GRID2: variants seen among roughly 807,000 people sequenced by gnomAD.
GRID2 encodes glutamate receptor ionotropic, delta-2.
Under a neutral mutation model 114.8 loss-of-function variants are expected in GRID2, and 33 were observed. The ratio of observed to expected loss-of-function variants is 0.29; its 90% CI spans 0.22 to 0.38. GRID2 has a LOEUF of 0.38. Among genes scored for constraint, GRID2 ranks in the 10% least tolerant of loss-of-function variants. GRID2 has a pLI of 1.00. For missense variants in GRID2, 1,184 were observed against 1,257.7 expected (o/e 0.94, Z 0.89); for synonymous variants, 505 against 449.9 (o/e 1.12, Z -1.55).
chr4:92,521,246 A>T (rs185875956), intron 1 of GRID2, among the ~76,000 whole-genome samples: 1 of 152,096 alleles, frequency 6.6e-6, no homozygotes. Flanking sequence ...ACTTCTTATT[A>T]CTATTGAAAT....
At chr4:93,050,051 ATT>A (rs974932441) in intron 2 of GRID2, among the ~76,000 whole-genome samples, 1 of 152,078 alleles carries the variant, frequency 6.6e-6, no homozygotes, top group African/African-American at 2.4e-5. Context: ...TGTAGTAAAT[ATT>A]TTTAAGTTGT....
intron 2 of GRID2, among the ~76,000 whole-genome samples, chr4:92,669,271 A>G (rs1273624767): frequency 1.3e-5 from 2 of 151,852 alleles, no homozygotes; most frequent in South Asian, 2.1e-4. Context: ...CTCTGTTGCT[A>G]CTCTATGCCT....
downstream of GRID2, among the ~76,000 whole-genome samples, chr4:93,777,225 A>G (rs1357460243): frequency 6.6e-6 from 1 of 152,226 alleles, no homozygotes; most frequent in East Asian, 1.9e-4. Flanking sequence ...ATAATGATTC[A>G]GCCTACCACT....
chr4:92,954,001 A>G (rs1030680711), intron 2 of GRID2, among the ~76,000 whole-genome samples: 1 of 152,154 alleles, frequency 6.6e-6, no homozygotes, highest in Non-Finnish European at 1.5e-5. Flanking sequence ...TCACTAGAAG[A>G]TTACATTCCA....
chr4:92,435,379 T>TG (rs1732687538), intron 1 of GRID2, among the ~76,000 whole-genome samples: 1 of 152,092 alleles, frequency 6.6e-6, no homozygotes. Context: ...ATGGAGATGA[T>TG]GGGGGAGATG....
intron 2 of GRID2, among the ~76,000 whole-genome samples, chr4:92,919,229 G>C (rs1749090504): frequency 6.6e-6 from 1 of 151,852 alleles, no homozygotes; most frequent in Non-Finnish European, 1.5e-5. Context: ...GCATCTATTT[G>C]ATTCTTCTCT....
At chr4:93,325,400 G>A (rs113664232) in intron 8 of GRID2, among the ~76,000 whole-genome samples, 66 of 152,032 alleles carry the variant, frequency 4.3e-4, no homozygotes, top group African/African-American at 1.6e-3. Context: ...CATTCACTCT[G>A]CTCTAATTCT....
chr4:93,692,509 G>T (rs1726658820), intron 14 of GRID2, among the ~76,000 whole-genome samples: 7 of 152,034 alleles, frequency 4.6e-5, no homozygotes, highest in Admixed American at 3.9e-4. Flanking sequence ...CTTAGCATTA[G>T]TCATTTTATT....
chr4:92,792,103 G>A (rs946341307), intron 2 of GRID2, among the ~76,000 whole-genome samples: 3 of 151,808 alleles, frequency 2.0e-5, no homozygotes, highest in African/African-American at 7.2e-5. Flanking sequence ...CCTCTTTCTA[G>A]TAGGAGTCTG....
intron 8 of GRID2, among the ~76,000 whole-genome samples, chr4:93,240,764 T>TG (rs1747413027): frequency 6.6e-6 from 1 of 151,138 alleles, no homozygotes; most frequent in African/African-American, 2.4e-5. Flanking sequence ...AGAAGTTTTT[T>TG]TTTTATATAT....
intron 1 of GRID2, among the ~76,000 whole-genome samples, chr4:92,427,139 C>G (rs77194983): frequency 8.6e-5 from 13 of 152,032 alleles, no homozygotes; most frequent in Non-Finnish European, 1.8e-4. Flanking sequence ...TACTCTGATC[C>G]GGCTCAAAAT....
intron 2 of GRID2, among the ~76,000 whole-genome samples, chr4:92,957,963 C>T (rs756240346): frequency 6.6e-5 from 10 of 151,958 alleles, no homozygotes; most frequent in Non-Finnish European, 1.3e-4. Context: ...TCATTCATGG[C>T]ATATAGGAAA....
intron 8 of GRID2, among the ~76,000 whole-genome samples, chr4:93,322,854 G>A (rs941330565): frequency 3.9e-5 from 6 of 152,256 alleles, no homozygotes; most frequent in Admixed American, 1.3e-4. Context: ...CTTTTGAGAA[G>A]TGTCTGTTCA....
chr4:93,159,018 T>A (rs940924611), intron 4 of GRID2, among the ~76,000 whole-genome samples: 1 of 151,772 alleles, frequency 6.6e-6, no homozygotes, highest in African/African-American at 2.4e-5. Flanking sequence ...TTGTACTATA[T>A]AATTACTTGG....
chr4:92,572,177 G>A (rs897242187), intron 1 of GRID2, among the ~76,000 whole-genome samples: 3 of 152,062 alleles, frequency 2.0e-5, no homozygotes, highest in East Asian at 1.9e-4. Context: ...TCAAATAGAT[G>A]CAATAAAAAA....
intron 2 of GRID2, among the ~76,000 whole-genome samples, chr4:92,993,251 A>G (rs1277193409): frequency 6.6e-6 from 1 of 151,674 alleles, no homozygotes; most frequent in African/African-American, 2.4e-5. Context: ...GCTATTCTTG[A>G]AAAACAAAGC....
chr4:93,621,235 TATCTC>T (rs1235256492), intron 13 of GRID2, among the ~76,000 whole-genome samples: 4 of 152,192 alleles, frequency 2.6e-5, no homozygotes, highest in Non-Finnish European at 4.4e-5. Context: ...AGTCTATTGA[TATCTC>T]AGGCACTATT....
At chr4:93,236,992 T>C (rs966692321) in intron 7 of GRID2, among the ~76,000 whole-genome samples, 3 of 152,008 alleles carry the variant, frequency 2.0e-5, no homozygotes, top group Admixed American at 1.3e-4. Flanking sequence ...ATTCTGTACA[T>C]GTATTATAAG....
At chr4:93,027,231 G>C (rs551107807) in intron 2 of GRID2, among the ~76,000 whole-genome samples, 40 of 152,088 alleles carry the variant, frequency 2.6e-4, no homozygotes, top group African/African-American at 7.0e-4. Context: ...TCAGTAGTTA[G>C]AACAGTCAAA....
Sources: gnomAD v4.1 joint callset for allele counts (sites outside exome capture counted in the v4.1 genomes callset) on GRCh38, gnomAD v4.1.1 for gene constraint, MANE v1.5 for transcripts, NCBI Gene and HGNC (gene_info 2026-07-23, HGNC 2026-07-21) for gene names.